The following SHB variants were observed in gnomAD, a reference collection of about 807,000 sequenced individuals.
The protein encoded by SHB is SH2 domain-containing adapter protein B.
SHB carries 20 observed loss-of-function variants against 52.3 expected under a neutral mutation model. The ratio of observed to expected loss-of-function variants is 0.38; its 90% CI spans 0.27 to 0.56. The LOEUF (loss-of-function observed/expected upper bound fraction) is 0.56. Among genes scored for constraint, SHB ranks in the 20% least tolerant of loss-of-function variants. The probability of loss-of-function intolerance (pLI) is 0.71; values close to 1 mark genes in which losing one functional copy is unlikely to be tolerated. For synonymous variants in SHB, 397 were observed against 316.5 expected, an observed-to-expected ratio of 1.25 and a Z score of -2.70; for missense variants, 825 against 723.3, an observed-to-expected ratio of 1.14 and a Z score of -1.61.
intron 3 of SHB, among the ~76,000 whole-genome samples, chr9:37,963,047 C>T (rs1230713720): frequency 2.0e-5 from 3 of 152,204 alleles, no homozygotes; most frequent in Non-Finnish European, 2.9e-5. Context: ...TTTGGGACTG[C>T]AGCCCTGGGC....
intron 1 of SHB, among the ~76,000 whole-genome samples, chr9:38,027,911 T>C (rs553664672): frequency 7.4e-4 from 112 of 151,888 alleles, no homozygotes; most frequent in Middle Eastern, 3.4e-3. Flanking sequence ...TGGAGAGGGA[T>C]GGAGCTGAGC....
intron 1 of SHB, among the ~76,000 whole-genome samples, chr9:38,028,281 G>A (rs1400897366): frequency 6.6e-6 from 1 of 152,204 alleles, no homozygotes; most frequent in African/African-American, 2.4e-5. Flanking sequence ...TTCAAGGAGG[G>A]CCCAGAGCTG....
At chr9:38,012,963 T>G (rs543549036) in intron 2 of SHB, among the ~76,000 whole-genome samples, 1 of 152,084 alleles carries the variant, frequency 6.6e-6, no homozygotes, top group Admixed American at 6.6e-5. Context: ...ACGTCAGCTC[T>G]GCAAGCCTCC....
At chr9:38,000,040 G>C (rs1292198633) in intron 2 of SHB, among the ~76,000 whole-genome samples, 1 of 152,244 alleles carries the variant, frequency 6.6e-6, no homozygotes, top group African/African-American at 2.4e-5. Context: ...ACACCTGAGT[G>C]GGTGGTTTCC....
chr9:38,023,617 C>T (rs1283547746), intron 1 of SHB, among the ~76,000 whole-genome samples: 3 of 152,222 alleles, frequency 2.0e-5, no homozygotes, highest in South Asian at 2.1e-4. Context: ...AACAGCTGTC[C>T]TATTTCTCAA....
chr9:38,015,189 T>G (rs1020020574), intron 2 of SHB, among the ~76,000 whole-genome samples: 1 of 152,206 alleles, frequency 6.6e-6, no homozygotes, highest in East Asian at 1.9e-4. Flanking sequence ...CCTACACAGC[T>G]GCTCTTCAGT....
At chr9:38,000,168 G>A (rs942408644) in intron 2 of SHB, among the ~76,000 whole-genome samples, 7 of 152,304 alleles carry the variant, frequency 4.6e-5, no homozygotes, top group Middle Eastern at 3.4e-3. Flanking sequence ...GAGAGGGAGC[G>A]AGAAGTCAGC....
chr9:37,929,903 A>C, intron 5 of SHB, among the ~76,000 whole-genome samples: 1 of 152,188 alleles, frequency 6.6e-6, no homozygotes. Context: ...AGTTTGTGAG[A>C]CCAGCCTGGG....
intron 1 of SHB, among the ~76,000 whole-genome samples, chr9:38,054,373 C>G (rs1442201325): frequency 6.6e-6 from 1 of 152,262 alleles, no homozygotes; most frequent in Admixed American, 6.5e-5. Flanking sequence ...GAATCCACTC[C>G]TGACAGCTCC....
chr9:37,992,854 T>C (rs928084521), intron 2 of SHB, among the ~76,000 whole-genome samples: 2 of 147,188 alleles, frequency 1.4e-5, no homozygotes, highest in East Asian at 2.0e-4. Flanking sequence ...GAGCACCATA[T>C]ACGTATATGC....
intron 2 of SHB, among the ~76,000 whole-genome samples, chr9:37,987,339 A>C (rs1820822498): frequency 6.6e-6 from 1 of 152,250 alleles, no homozygotes; most frequent in Non-Finnish European, 1.5e-5. Flanking sequence ...GGTACCCCAC[A>C]GACACTGCCA....
At position 37,919,858 on chromosome 9, in the gene SHB, A is replaced by G; in HGVS notation, c.1493T>C (p.Leu498Ser). ...CACAGCCACGGGATAGAGGAGGGAC[A>G]AGTGCTCAGCCCCTTTGATGGGTAG... ...RKLPIKGAEH[L>S]SLLYPVAVRT... Residue 498 changes from leucine to serine, a missense_variant, in exon 6 of 6, where the codon TTG (leucine) becomes TCG (serine). Leu to Ser is a moderately radical substitution (Grantham distance 145). Transcript: ENST00000377707. 2 of 1,614,042 alleles carry G rather than the reference A, an allele frequency of 1.2e-6. No homozygotes were observed. Among genetic ancestry groups the G allele is most frequent in the Middle Eastern group, 1.7e-4 (1 of 5,994 alleles).
intron 2 of SHB, among the ~76,000 whole-genome samples, chr9:38,006,191 C>T (rs1821073654): frequency 6.6e-6 from 1 of 152,168 alleles, no homozygotes; most frequent in Non-Finnish European, 1.5e-5. Context: ...TGGGCCCTTC[C>T]ACCACACCTA....
intron 1 of SHB, among the ~76,000 whole-genome samples, chr9:38,037,905 G>C (rs528256607): frequency 6.6e-6 from 1 of 152,302 alleles, no homozygotes; most frequent in Admixed American, 6.5e-5. Context: ...TGGGCTAGAA[G>C]AGGAGCTAAA....
chr9:38,068,666 C>T lies in SHB; in HGVS notation c.-21G>A. On this transcript the variant is annotated 5_prime_UTR_variant, in exon 1 of 6. Coordinates refer to ENST00000377707, the MANE Select transcript of SHB (RefSeq NM_003028.3). Reference sequence around the variant, plus strand: ...GCCATGGCGAGAGGCCGCCTAGGGCCGCGGCGCGGGAGCCCGGTCCGCCGC... The same window carrying T: ...GCCATGGCGAGAGGCCGCCTAGGGCTGCGGCGCGGGAGCCCGGTCCGCCGC... The T allele has an allele frequency of 2.3e-6, 3 of 1,319,092 alleles. No homozygotes were observed. Among genetic ancestry groups the T allele is most frequent in the Non-Finnish European group, 2.9e-6 (3 of 1,040,844 alleles). 81.7% of individuals were successfully genotyped at this position (1,319,092 alleles called of 1,614,324 possible). A position where few individuals can be genotyped will look rare whatever the true frequency, so the allele number is the denominator to read the frequency against.
intron 2 of SHB, among the ~76,000 whole-genome samples, chr9:37,996,115 G>A (rs899167254): frequency 5.9e-5 from 9 of 152,200 alleles, no homozygotes; most frequent in African/African-American, 1.4e-4. Flanking sequence ...TGTCCAAGCC[G>A]AAATGACTGC....
rs767696069 is a variant in SHB at position 38,068,545 on chromosome 9, C to A, written c.101G>T (p.Gly34Val). The A allele has an allele frequency of 1.1e-5, 16 of 1,453,872 alleles. No individual in the cohort carries two copies. In the African/African-American group the frequency reaches 2.4e-4, roughly 22 times the overall value. 90.1% of individuals were successfully genotyped at this position (1,453,872 alleles called of 1,614,324 possible). ...CTGGGGGGGCTGCGAAGGCCGCTCGCCTCGGCGCCGCTGCTCGCGGTAGTC... is the reference window on the plus strand; with the variant it reads ...CTGGGGGGGCTGCGAAGGCCGCTCGACTCGGCGCCGCTGCTCGCGGTAGTC... ...RPDYREQRRR[G>V]ERPSQPPQAV... Residue 34 changes from glycine to valine, a missense_variant, in exon 1 of 6, where the codon GGC becomes GTC. Transcript: ENST00000377707.
chr9:38,059,263 ACT>A (rs1302118398), intron 1 of SHB, among the ~76,000 whole-genome samples: 1 of 55,538 alleles, frequency 1.8e-5, no homozygotes, highest in Non-Finnish European at 4.2e-5. Flanking sequence ...CTGTCGAGTC[ACT>A]CTCCCCTCCT....
rs1473918210 is a variant in SHB at position 38,068,243 on chromosome 9, C to T, written c.403G>A (p.Gly135Ser). Residue 135 changes from glycine to serine, a missense_variant, in exon 1 of 6, where the codon GGC (glycine) becomes AGC (serine). Transcript: ENST00000377707. ...GAGGCGCAGCAACAGCCCGCGGCGC[C>T]CGACGCGGACGAGGCCGAGAAGGCG... is the stretch of plus-strand genomic sequence containing the variant. The part of the protein sequence containing the change: ...QRAFSASSAS[G>S]AAGCCCASSG... 7.1e-7 allele frequency: 1 copy of T among 1,402,290 alleles called. No homozygotes were observed. The highest frequency in any genetic ancestry group is 9.2e-7 in the Non-Finnish European group (1 of 1,090,366). The allele number at this position is 1,402,290 out of a possible 1,614,324, so 86.9% of individuals were successfully genotyped here.
Sources: gnomAD v4.1 joint callset for allele counts (sites outside exome capture counted in the v4.1 genomes callset) on GRCh38, gnomAD v4.1.1 for gene constraint, MANE v1.5 for transcripts, NCBI Gene and HGNC (gene_info 2026-07-23, HGNC 2026-07-21) for gene names.